SYNPO: variants seen among roughly 807,000 people sequenced by gnomAD.
The protein encoded by SYNPO is synaptopodin.
SYNPO carries 19 observed loss-of-function variants against 49.5 expected under a neutral mutation model. The observed-to-expected ratio is 0.38, with a 90% CI of 0.27 to 0.56. The LOEUF (loss-of-function observed/expected upper bound fraction) is 0.56. Among genes scored for constraint, SYNPO ranks in the 20% least tolerant of loss-of-function variants. The pLI is 0.68. For missense variants in SYNPO, 1,131 were observed against 1,248.3 expected (o/e 0.91, Z 1.42); for synonymous variants, 536 against 548.0 (o/e 0.98, Z 0.31).
At chr5:150,592,875 CCCCATGTGGGCAT>C in the SYNPO span, among the ~76,000 whole-genome samples, 1 of 152,246 alleles carries the variant, frequency 6.6e-6, no homozygotes, top group Non-Finnish European at 1.5e-5. Flanking sequence ...GTCCTGCCCA[CCCCATGTGGGCAT>C]CTGAACCTTG....
chr5:150,649,399 G>A lies in SYNPO; in HGVS notation c.1124G>A (p.Gly375Asp), dbSNP rs766859478. 6.2e-7 allele frequency: 1 copy of A among 1,613,648 alleles called. No individual in the cohort carries two copies. The highest frequency in any genetic ancestry group is 1.7e-5 in the Admixed American group (1 of 60,024). ...GILEESMARRGSRKSMFTFVE... is the reference protein window; with the variant it reads ...GILEESMARRDSRKSMFTFVE... ...CTGGAGGAGTCGATGGCCCGCCGGGGCAGCCGCAAATCCATGTTTACTTTC... is the reference window on the plus strand; with the variant it reads ...CTGGAGGAGTCGATGGCCCGCCGGGACAGCCGCAAATCCATGTTTACTTTC... Residue 375 changes from glycine (G) to aspartate (D), a missense_variant, in exon 2 of 3, where the codon GGC (glycine) becomes GAC (aspartate). Around this residue, in one of 4 missense-constraint regions of SYNPO, gnomAD observed 602 missense variants for 720.7 expected, o/e 0.84. Coordinates refer to ENST00000307662, the MANE Select transcript of SYNPO (RefSeq NM_007286.6).
chr5:150,651,337 A>G lies in SYNPO; in HGVS notation c.2028+1034A>G. 4.0e-6 allele frequency: 4 copies of G among 1,000,498 alleles called. No individual in the cohort carries two copies. In the South Asian group the frequency reaches 1.9e-4, roughly 47 times the overall value. The allele number at this position is 1,000,498 out of a possible 1,614,324, so 62.0% of individuals were successfully genotyped here. ...CTCATTTGCTGTGTGACTTTGGCCC[A>G]CTCACATTCTCTTTGGGCCTCAGTT... is the stretch of plus-strand genomic sequence containing the variant. On this transcript the variant is annotated intron_variant, in intron 2 of 2. Coordinates refer to ENST00000307662, the MANE Select transcript of SYNPO (RefSeq NM_007286.6).
the SYNPO span, among the ~76,000 whole-genome samples, chr5:150,592,742 G>A: frequency 2.0e-5 from 3 of 152,222 alleles, no homozygotes; most frequent in Non-Finnish European, 2.9e-5. Flanking sequence ...TCTGAAGACC[G>A]GGGATCTTGT....
chr5:150,651,981 C>G, intron 2 of SYNPO: 1 of 1,000,502 alleles, frequency 1.0e-6, no homozygotes, highest in Non-Finnish European at 1.2e-6. Context: ...TTTCCCAGCC[C>G]TAGTTCTGGG....
At chr5:150,654,891 T>C (rs1758505084) in intron 2 of SYNPO, among the ~76,000 whole-genome samples, 1 of 152,148 alleles carries the variant, frequency 6.6e-6, no homozygotes, top group African/African-American at 2.4e-5. Context: ...TTTGGGAGGC[T>C]GAGGCGGGCG....
chr5:150,610,640 G>A (rs1464846415), intron 1 of SYNPO, among the ~76,000 whole-genome samples: 9 of 152,058 alleles, frequency 5.9e-5, no homozygotes. Flanking sequence ...AATAACAACA[G>A]CTGTTTCTAT....
chr5:150,631,934 A>T (rs1178433917), intron 2 of SYNPO, among the ~76,000 whole-genome samples: 1 of 152,006 alleles, frequency 6.6e-6, no homozygotes, highest in Admixed American at 6.5e-5. Context: ...GAGTCTGTGG[A>T]CAAAGGAGGG....
intron 2 of SYNPO, chr5:150,624,810 G>A (rs1757296971): frequency 5.1e-6 from 5 of 970,908 alleles, no homozygotes; most frequent in Non-Finnish European, 6.1e-6. Context: ...CGGGGCGGGG[G>A]TGGCGGGGAC....
At chr5:150,634,868 CACACACACACAA>C (rs1757662578) in intron 2 of SYNPO, among the ~76,000 whole-genome samples, 1 of 115,334 alleles carries the variant, frequency 8.7e-6, no homozygotes, top group Non-Finnish European at 2.0e-5. Context: ...ACACACCACA[CACACACACACAA>C]AGGGGACACT....
At chr5:150,586,366 C>G in the SYNPO span, among the ~76,000 whole-genome samples, 2 of 152,232 alleles carry the variant, frequency 1.3e-5, no homozygotes, top group African/African-American at 4.8e-5. Context: ...TCTCCCTCTC[C>G]TTGTCAAATG....
At chr5:150,618,895 C>T in intron 2 of SYNPO, 1 of 1,210,662 alleles carries the variant, frequency 8.3e-7, no homozygotes. Context: ...ATGGGCATGC[C>T]CAGATTAACA....
intron 1 of SYNPO, among the ~76,000 whole-genome samples, chr5:150,612,354 G>T (rs1370312244): frequency 6.6e-6 from 1 of 152,176 alleles, no homozygotes; most frequent in Non-Finnish European, 1.5e-5. Flanking sequence ...TGTTTCATTT[G>T]ATATATATTA....
chr5:150,601,820 T>A (rs1293368073), intron 1 of SYNPO, among the ~76,000 whole-genome samples: 5 of 152,206 alleles, frequency 3.3e-5, no homozygotes, highest in African/African-American at 1.2e-4. Context: ...TTCATTCCTT[T>A]TCTTTCAGCC....
intron 2 of SYNPO, among the ~76,000 whole-genome samples, chr5:150,623,397 C>G (rs1757242527): frequency 6.6e-6 from 1 of 152,124 alleles, no homozygotes; most frequent in Admixed American, 6.5e-5. Context: ...CTCTTTTCCT[C>G]TCACCCACAC....
intron 2 of SYNPO, chr5:150,624,801 G>T (rs1757295983): frequency 2.1e-6 from 2 of 961,934 alleles, no homozygotes; most frequent in Non-Finnish European, 2.5e-6. Flanking sequence ...GGCCTGGCGC[G>T]GGGCGGGGGT....
intron 2 of SYNPO, among the ~76,000 whole-genome samples, chr5:150,623,374 C>G (rs1757241400): frequency 6.6e-6 from 1 of 152,076 alleles, no homozygotes; most frequent in African/African-American, 2.4e-5. Context: ...CACAGCAATC[C>G]TAGCCTCTCT....
At chr5:150,595,852 ACC>A in the SYNPO span, among the ~76,000 whole-genome samples, 2 of 34,232 alleles carry the variant, frequency 5.8e-5, no homozygotes, top group Non-Finnish European at 1.1e-4. Flanking sequence ...CATGCCCCCC[ACC>A]CCCCCAGCTG....
intron 2 of SYNPO, chr5:150,651,104 C>T: frequency 9.1e-7 from 1 of 1,099,474 alleles, no homozygotes; most frequent in Non-Finnish European, 1.1e-6. Context: ...GGGGACGTCC[C>T]AGGGGATCCC....
At chr5:150,628,862 C>G (rs751140861) in intron 2 of SYNPO, among the ~76,000 whole-genome samples, 3 of 152,198 alleles carry the variant, frequency 2.0e-5, no homozygotes, top group Non-Finnish European at 4.4e-5. Context: ...GAGCCGAGAT[C>G]GCGCCATTGC....
Sources: gnomAD v4.1 joint callset for allele counts (sites outside exome capture counted in the v4.1 genomes callset) on GRCh38, gnomAD v4.1.1 for gene constraint, gnomAD v4.1.1 regional missense constraint, MANE v1.5 for transcripts, NCBI Gene and HGNC (gene_info 2026-07-23, HGNC 2026-07-21) for gene names.